The following PCDHGA10 variants were observed in gnomAD, a reference collection of about 807,000 sequenced individuals.
PCDHGA10 encodes protocadherin gamma-A10.
A neutral mutation model predicts 59.5 loss-of-function variants in PCDHGA10; 42 were observed. The ratio of observed to expected loss-of-function variants is 0.71; its 90% CI spans 0.55 to 0.91. The LOEUF (loss-of-function observed/expected upper bound fraction) is 0.91, where lower values mean the gene tolerates loss of function less well. Among genes scored for constraint, PCDHGA10 ranks in the 40% least tolerant of loss-of-function variants. PCDHGA10 has a pLI of 0.00. For synonymous variants in PCDHGA10, 511 were observed against 517.2 expected, an observed-to-expected ratio of 0.99 and a Z score of 0.16; for missense variants, 1,111 against 1,198.2, an observed-to-expected ratio of 0.93 and a Z score of 1.07.
At chr5:141,438,053 C>T (rs1023159995) in intron 1 of PCDHGA10, among the ~76,000 whole-genome samples, 2 of 152,112 alleles carry the variant, frequency 1.3e-5, no homozygotes, top group African/African-American at 4.8e-5. Context: ...TTTGAGTTCA[C>T]TTTTAAGAAA....
At chr5:141,445,188 GTATTCTA>G (rs1223900471) in intron 1 of PCDHGA10, among the ~76,000 whole-genome samples, 1 of 152,080 alleles carries the variant, frequency 6.6e-6, no homozygotes, top group Non-Finnish European at 1.5e-5. Context: ...ATGTTTTTAT[GTATTCTA>G]TATGCTTTTG....
rs1391331847 is a variant in PCDHGA10, at chr5:141,415,608, T to C, written c.2433T>C (p.Val811=). The change falls in exon 1 of 4, where the codon GTT becomes GTC. Residue 811 remains valine, a synonymous_variant. Coordinates refer to ENST00000398610, the MANE Select transcript of PCDHGA10 (RefSeq NM_018913.3). Reference sequence around the variant, plus strand: ...TTCCTATAGAGGATACCCCATTGGTTCCAGTGAGTTTTATTTTCATTTTTA... The same window carrying C: ...TTCCTATAGAGGATACCCCATTGGTCCCAGTGAGTTTTATTTTCATTTTTA... The part of the protein sequence containing the change: ...SKFPIEDTPL[V]PQAPPNTDWR... 6.2e-7 allele frequency: 1 copy of C among 1,613,366 alleles called. No homozygotes were observed. The highest frequency in any genetic ancestry group is 8.5e-7 in the Non-Finnish European group (1 of 1,179,774).
chr5:141,510,613 C>T (rs559713771), intron 3 of PCDHGA10, among the ~76,000 whole-genome samples: 17 of 152,298 alleles, frequency 1.1e-4, no homozygotes, highest in Admixed American at 2.0e-4. Context: ...TTAGCATTCA[C>T]TAAAACCAGA....
Position 141,427,801 on chromosome 5 carries a change from G to T in PCDHGA10, c.2436+12190G>T, listed in dbSNP as rs755067099. On this transcript the variant is annotated intron_variant, in intron 1 of 3. Coordinates refer to ENST00000398610, the MANE Select transcript of PCDHGA10 (RefSeq NM_018913.3). ...GCACTGTCGTCCTACGTGTCCGTGA[G>T]CGCACAGAGCGGGGTGGTGGTCGCG... 6 of 1,510,138 alleles carry T rather than the reference G, an allele frequency of 4.0e-6. No homozygotes were observed. In the African/African-American group the frequency reaches 8.2e-5, roughly 21 times the overall value. 93.5% of individuals were successfully genotyped at this position (1,510,138 alleles called of 1,614,324 possible). A position where few individuals can be genotyped will look rare whatever the true frequency, so the allele number is the denominator to read the frequency against.
At chr5:141,419,789 G>A (rs758649709) in intron 1 of PCDHGA10, 2 of 1,614,068 alleles carry the variant, frequency 1.2e-6, no homozygotes, top group South Asian at 2.2e-5. Context: ...GCGCCTGCTA[G>A]TCGCTGTAAG....
chr5:141,444,043 T>C (rs542828018), intron 1 of PCDHGA10, among the ~76,000 whole-genome samples: 1 of 151,820 alleles, frequency 6.6e-6, no homozygotes, highest in African/African-American at 2.4e-5. Context: ...AATCAGATAA[T>C]TTGGCATCTT....
chr5:141,438,901 G>A (rs1039951275), intron 1 of PCDHGA10, among the ~76,000 whole-genome samples: 2 of 151,746 alleles, frequency 1.3e-5, no homozygotes, highest in African/African-American at 2.4e-5. Flanking sequence ...CCTGACCTCA[G>A]GTGATCCACC....
chr5:141,479,490 G>A (rs1334340000), intron 1 of PCDHGA10: 1 of 152,248 alleles, frequency 6.6e-6, no homozygotes, highest in Non-Finnish European at 1.5e-5. Context: ...AGGACCATCA[G>A]GTTGCCTAAA....
rs996556361 is a variant in PCDHGA10, at chr5:141,511,290, A to G, written c.*117A>G. 1.3e-6 allele frequency: 2 copies of G among 1,516,984 alleles called. No homozygotes were observed. The highest frequency in any genetic ancestry group is 1.8e-6 in the Non-Finnish European group (2 of 1,129,124). The allele number at this position is 1,516,984 out of a possible 1,614,324, so 94.0% of individuals were successfully genotyped here. ...AACCCCCAGAATACTGGTAGGGGCC[A>G]AGGCCATGCTCCCCTTGGGAAACAG... is the stretch of plus-strand genomic sequence containing the variant. On this transcript the variant is annotated 3_prime_UTR_variant, in exon 4 of 4. Coordinates refer to ENST00000398610, the MANE Select transcript of PCDHGA10 (RefSeq NM_018913.3).
chr5:141,450,815 ATAT>A (rs1420984335), intron 1 of PCDHGA10, among the ~76,000 whole-genome samples: 6 of 126,742 alleles, frequency 4.7e-5, no homozygotes, highest in South Asian at 2.4e-4. Flanking sequence ...TATTTATTTA[ATAT>A]TATTATTATT....
rs749817501 is a variant in PCDHGA10 at position 141,423,756 on chromosome 5, G to GT, written c.2436+8145_2436+8146insT. ...GCCTGTTATGAAAACTGTTTGGGGGGGGGGTGGGGCGGCATATATTTAGTT... is the reference window on the plus strand; with the variant it reads ...GCCTGTTATGAAAACTGTTTGGGGGGTGGGGTGGGGCGGCATATATTTAGTT... On this transcript the variant is annotated intron_variant, in intron 1 of 3. Transcript: ENST00000398610. 9 of 448,538 alleles carry GT rather than the reference G, an allele frequency of 2.0e-5. 1 individual carries two copies. Among genetic ancestry groups the GT allele is most frequent in the African/African-American group, 2.8e-5 (1 of 35,670 alleles). 27.8% of individuals were successfully genotyped at this position (448,538 alleles called of 1,614,324 possible).
intron 1 of PCDHGA10, among the ~76,000 whole-genome samples, chr5:141,492,927 G>A (rs925569925): frequency 2.0e-5 from 3 of 152,180 alleles, no homozygotes; most frequent in Admixed American, 6.5e-5. Context: ...AGCGATCTAG[G>A]GTCAGAGATT....
At chr5:141,472,980 CAAAA>C (rs60579131) in intron 1 of PCDHGA10, among the ~76,000 whole-genome samples, 3 of 86,106 alleles carry the variant, frequency 3.5e-5, no homozygotes, top group Admixed American at 1.2e-4. Context: ...GAGTGAAACT[CAAAA>C]AAAAAAAAAA....
intron 1 of PCDHGA10, among the ~76,000 whole-genome samples, chr5:141,467,211 C>G (rs1288732759): frequency 6.6e-6 from 1 of 152,068 alleles, no homozygotes; most frequent in Non-Finnish European, 1.5e-5. Context: ...TGCCACCATG[C>G]CTGGCTAATT....
chr5:141,422,298 T>G, intron 1 of PCDHGA10: 1 of 1,549,054 alleles, frequency 6.5e-7, no homozygotes, highest in Non-Finnish European at 8.7e-7. Flanking sequence ...TTAATTCAAT[T>G]CTGGAAAACT....
rs1025148587 is a variant in PCDHGA10, at chr5:141,431,434, C to T, written c.2436+15823C>T. ...GGGGCGACCCGGTGCGCACAGGCAC[C>T]GCGCGCATCCGCGTGATGGTTCTGG... On this transcript the variant is annotated intron_variant, in intron 1 of 3. Transcript: ENST00000398610. This position sits in a 1 kb window ranked among gnomAD's most constrained non-coding sequence, Gnocchi z 4.8. The T allele has an allele frequency of 6.2e-7, 1 of 1,613,690 alleles. No homozygotes were observed. The highest frequency in any genetic ancestry group is 1.3e-5 in the African/African-American group (1 of 75,072).
In PCDHGA10 at chr5:141,490,267, G is replaced by A. The variant is rs765238578; in HGVS notation, c.2437-4540G>A. ...TGTGATTCAAGTGGATGTGGGGGAT[G>A]TCAATGACAATGCCCCAGAGGTGCT... On this transcript the variant is annotated intron_variant, in intron 1 of 3. Transcript: ENST00000398610. The surrounding 1 kb of genome is among the most constrained non-coding windows in gnomAD (Gnocchi z 5.4). The A allele has an allele frequency of 6.2e-7, 1 of 1,614,242 alleles. No homozygotes were observed. The highest frequency in any genetic ancestry group is 1.1e-5 in the South Asian group (1 of 91,084).
At position 141,430,969 on chromosome 5, in the gene PCDHGA10, T is replaced by C. The variant is rs560722324; in HGVS notation, c.2436+15358T>C. The C allele has an allele frequency of 1.5e-4, 246 of 1,613,012 alleles. 3 individuals carry two copies. The South Asian group carries it at 2.6e-3, about 17-fold the overall frequency. The stretch of plus-strand genomic sequence containing the variant: ...GCGGAGTCCGCATCATCCCCAGAGG[T>C]AGGACGCAGCTTTTCGCCCTGAATC... On this transcript the variant is annotated intron_variant, in intron 1 of 3. Transcript: ENST00000398610.
At chr5:141,445,339 A>G (rs1450773291) in intron 1 of PCDHGA10, among the ~76,000 whole-genome samples, 1 of 152,152 alleles carries the variant, frequency 6.6e-6, no homozygotes, top group Non-Finnish European at 1.5e-5. Context: ...GAAACAGTAA[A>G]CATTGGTGTC....
Sources: allele counts gnomAD v4.1 joint callset (sites outside exome capture counted in the v4.1 genomes callset), GRCh38; gene constraint gnomAD v4.1.1; non-coding constraint Gnocchi (gnomAD v3.1); transcripts MANE v1.5; gene names NCBI Gene and HGNC (gene_info 2026-07-23, HGNC 2026-07-21).